The following SLC4A7 variants were observed in gnomAD, a reference collection of about 807,000 sequenced individuals.
SLC4A7 encodes the protein solute carrier family 4 member 7.
SLC4A7 carries 51 observed loss-of-function variants against 137.6 expected under a neutral mutation model. The ratio of observed to expected loss-of-function variants is 0.37; its 90% CI spans 0.30 to 0.47. The LOEUF is 0.47. Ranked by LOEUF, SLC4A7 falls within the 20% of genes least tolerant of loss-of-function variation. The pLI is 1.00. For missense variants in SLC4A7, 1,247 were observed against 1,525.4 expected (o/e 0.82, Z 3.04); for synonymous variants, 542 against 518.6 (o/e 1.05, Z -0.61).
At chr3:27,452,790 C>A (rs765652666) in intron 1 of SLC4A7, among the ~76,000 whole-genome samples, 1 of 151,862 alleles carries the variant, frequency 6.6e-6, no homozygotes, top group Non-Finnish European at 1.5e-5. Flanking sequence ...AAAAGACAGA[C>A]CTTCTAGGGT....
intron 7 of SLC4A7, among the ~76,000 whole-genome samples, chr3:27,427,500 T>C (rs912075152): frequency 7.2e-5 from 11 of 152,148 alleles, no homozygotes; most frequent in African/African-American, 2.4e-4. Flanking sequence ...CTTTTATACA[T>C]ATAATTATCT....
chr3:27,470,366 T>C lies in SLC4A7; in HGVS notation c.60+13701A>G, dbSNP rs542337945. Among the ~76,000 whole-genome samples, 29 of 152,206 alleles carry C rather than the reference T, an allele frequency of 1.9e-4. 1 individual carries two copies. In the South Asian group the frequency reaches 6.0e-3, roughly 31 times the overall value. On this transcript the variant is annotated intron_variant, in intron 1 of 25. Transcript: ENST00000454389. ...TATACATGGAACAAGTAAGCTACTA[T>C]TAATGAAATATGAAGTTAAATTTGC...
In SLC4A7 at chr3:27,398,336, A is replaced by G. The variant is rs377050690; in HGVS notation, c.2445T>C (p.Arg815=). Residue 815 remains arginine, a synonymous_variant, in exon 17 of 26, where the codon CGT becomes CGC. Transcript: ENST00000454389. ...CACAAGCTGACCCCAAGAATACACC[A>G]CGAAGTTTTTTACATTCCTGGAAAA... The part of the protein sequence containing the change: ...NLTVSECKKL[R]GVFLGSACGH... 2.5e-6 allele frequency: 4 copies of G among 1,596,982 alleles called. No individual in the cohort carries two copies. The African/African-American group carries it at 4.1e-5, about 16-fold the overall frequency.
At chr3:27,476,389 A>T (rs891299072) in intron 1 of SLC4A7, among the ~76,000 whole-genome samples, 13 of 152,248 alleles carry the variant, frequency 8.5e-5, no homozygotes, top group Admixed American at 7.2e-4. Context: ...AGTTGTATCA[A>T]GCAAAGTAGC....
intron 1 of SLC4A7, among the ~76,000 whole-genome samples, chr3:27,476,580 G>A (rs2059467669): frequency 6.6e-6 from 1 of 152,140 alleles, no homozygotes. Context: ...TGTTGAAGAA[G>A]GGGCCTGGTG....
chr3:27,461,454 A>G (rs1007173995), intron 1 of SLC4A7, among the ~76,000 whole-genome samples: 1 of 152,032 alleles, frequency 6.6e-6, no homozygotes, highest in Admixed American at 6.6e-5. Flanking sequence ...AAGGCAGCCA[A>G]TTACAAGATA....
intron 3 of SLC4A7, among the ~76,000 whole-genome samples, chr3:27,438,529 A>G: frequency 6.6e-6 from 1 of 151,526 alleles, no homozygotes; most frequent in African/African-American, 2.4e-5. Context: ...AAATAACACA[A>G]AATAAAATAA....
Position 27,375,528 on chromosome 3 carries a change from T to G in SLC4A7, c.*1236A>C, listed in dbSNP as rs901585641. The G allele has an allele frequency of 6.6e-6, 1 of 152,426 alleles. No homozygotes were observed. The highest frequency in any genetic ancestry group is 1.5e-5 in the Non-Finnish European group (1 of 67,870). The allele number at this position is 152,426 out of a possible 1,614,324, so 9.4% of individuals were successfully genotyped here. A position where few individuals can be genotyped will look rare whatever the true frequency, so the allele number is the denominator to read the frequency against. On this transcript the variant is annotated 3_prime_UTR_variant, in exon 26 of 26. Coordinates refer to ENST00000454389, the MANE Select transcript of SLC4A7 (RefSeq NM_001321103.2). Reference sequence around the variant, plus strand: ...AAATGTCATTAATCTGAGCTACATATAAAATGTCTAATTTCCTTTTAAAAT... The same window carrying G: ...AAATGTCATTAATCTGAGCTACATAGAAAATGTCTAATTTCCTTTTAAAAT...
At chr3:27,471,798 C>T (rs2059258959) in intron 1 of SLC4A7, among the ~76,000 whole-genome samples, 1 of 152,184 alleles carries the variant, frequency 6.6e-6, no homozygotes, top group Non-Finnish European at 1.5e-5. Context: ...AAAGCAAAAG[C>T]TTTAACATTT....
At chr3:27,438,961 T>C (rs2056976612) in intron 3 of SLC4A7, among the ~76,000 whole-genome samples, 1 of 152,208 alleles carries the variant, frequency 6.6e-6, no homozygotes, top group African/African-American at 2.4e-5. Flanking sequence ...ACTTGTGTAG[T>C]ATAGGAACCC....
At chr3:27,473,827 C>T (rs1040401799) in intron 1 of SLC4A7, among the ~76,000 whole-genome samples, 1 of 150,578 alleles carries the variant, frequency 6.6e-6, no homozygotes, top group Non-Finnish European at 1.5e-5. Context: ...CAAATACATA[C>T]ATAAAATCAC....
At chr3:27,478,480 T>C (rs1482015123) in intron 1 of SLC4A7, among the ~76,000 whole-genome samples, 3 of 138,694 alleles carry the variant, frequency 2.2e-5, no homozygotes, top group Admixed American at 7.9e-5. Flanking sequence ...ATCGTACCAC[T>C]GCACTCCTGG....
intron 1 of SLC4A7, among the ~76,000 whole-genome samples, chr3:27,471,306 C>T (rs1472658037): frequency 2.6e-5 from 4 of 152,144 alleles, no homozygotes; most frequent in Admixed American, 1.3e-4. Context: ...TGGGGTATAT[C>T]CTTCCTGAAT....
At chr3:27,417,104 C>CA (rs1371363611) in intron 11 of SLC4A7, among the ~76,000 whole-genome samples, 1 of 152,102 alleles carries the variant, frequency 6.6e-6, no homozygotes, top group Non-Finnish European at 1.5e-5. Context: ...CAAAAAGCCT[C>CA]AAAAATTGGA....
At chr3:27,405,053 A>C in intron 13 of SLC4A7, 90 bp from the exon 14 acceptor site, 1 of 803,390 alleles carries the variant, frequency 1.2e-6, no homozygotes. Flanking sequence ...CTGGAAAATA[A>C]AAATACCCAT....
intron 3 of SLC4A7, among the ~76,000 whole-genome samples, chr3:27,444,376 C>T (rs1403871518): frequency 6.6e-6 from 1 of 152,080 alleles, no homozygotes; most frequent in African/African-American, 2.4e-5. Flanking sequence ...TTTGAAAATT[C>T]TTCAACTATA....
At chr3:27,400,601 G>T (rs747537714) in intron 16 of SLC4A7, among the ~76,000 whole-genome samples, 163 bp downstream of exon 16, 1 of 152,124 alleles carries the variant, frequency 6.6e-6, no homozygotes, top group Non-Finnish European at 1.5e-5. Context: ...TCGAGCGCAT[G>T]ATACATAAAA....
intron 8 of SLC4A7, among the ~76,000 whole-genome samples, chr3:27,423,463 G>A (rs530522222): frequency 6.6e-6 from 1 of 152,058 alleles, no homozygotes; most frequent in South Asian, 2.1e-4. Context: ...TTTAAATTAA[G>A]GTTTATCTAT....
chr3:27,403,172 A>C lies in SLC4A7; in HGVS notation c.2288T>G (p.Met763Arg), dbSNP rs369445403. ...FDLGETYAFN[M>R]HNNLDKLTSY... is the part of the protein sequence containing the mutation. ...GGTCAGTTTATCTAAGTTGTTGTGC[A>C]TATTAAATGCATATGTTTCTCCTAA... The change falls in exon 15 of 26, where the codon ATG (methionine) becomes AGG (arginine). Residue 763 changes from methionine (M) to arginine (R), a missense_variant. By Grantham distance (91) the Met-to-Arg change is moderately conservative. Coordinates refer to ENST00000454389, the MANE Select transcript of SLC4A7 (RefSeq NM_001321103.2). 101 of 1,612,822 alleles carry C rather than the reference A, an allele frequency of 6.3e-5. 2 individuals carry two copies. The East Asian group carries it at 1.4e-3, about 23-fold the overall frequency.
Sources: allele counts gnomAD v4.1 joint callset (sites outside exome capture counted in the v4.1 genomes callset), GRCh38; gene constraint gnomAD v4.1.1; transcripts MANE v1.5; gene names NCBI Gene and HGNC (gene_info 2026-07-23, HGNC 2026-07-21).